FAM120C: variants seen among roughly 807,000 people sequenced by gnomAD.
The protein encoded by FAM120C is constitutive coactivator of PPAR-gamma-like protein 2.
Under a neutral mutation model 71.2 loss-of-function variants are expected in FAM120C, and 14 were observed. That is an observed-to-expected ratio of 0.20 (90% confidence interval 0.13 to 0.31). FAM120C has a LOEUF of 0.31. Among genes scored for constraint, FAM120C ranks in the 10% least tolerant of loss-of-function variants. FAM120C has a pLI of 1.00. For synonymous variants in FAM120C, 354 were observed against 353.2 expected, an observed-to-expected ratio of 1.00 and a Z score of -0.03; for missense variants, 500 against 879.0, an observed-to-expected ratio of 0.57 and a Z score of 5.45.
At chrX:54,129,663 G>A (rs1569532657) in intron 9 of FAM120C, among the ~76,000 whole-genome samples, 1 of 112,268 alleles carries the variant, frequency 8.9e-6, no homozygotes, top group Non-Finnish European at 1.9e-5. Flanking sequence ...GGAGGCCAAG[G>A]CAGGCGGCTG....
intron 4 of FAM120C, among the ~76,000 whole-genome samples, chrX:54,146,723 C>T: frequency 9.0e-6 from 1 of 111,455 alleles, no homozygotes; most frequent in East Asian, 2.8e-4. Context: ...AATCACTAAC[C>T]AATTTTAAGA....
chrX:54,125,902 T>C (rs781794797), intron 9 of FAM120C, among the ~76,000 whole-genome samples: 1 of 112,701 alleles, frequency 8.9e-6, no homozygotes, highest in Admixed American at 9.4e-5. Flanking sequence ...TTCATCAGCA[T>C]TTTGTGACTT....
chrX:54,117,945 T>C lies in FAM120C; in HGVS notation c.2063-1151A>G, dbSNP rs782686644. Among the ~76,000 whole-genome samples, 8 of 111,261 alleles carry C rather than the reference T, an allele frequency of 7.2e-5. No homozygotes were observed. The South Asian group carries it at 3.0e-3, about 42-fold the overall frequency. ...ATCTTTTAGATTCACAAAGGCAGGC[T>C]GGGCGTGGTGGTTCACGCCTGTAAT... On this transcript the variant is annotated intron_variant, in intron 9 of 15. Transcript: ENST00000375180.
At chrX:54,083,442 C>CACACAA (rs2066777766) in intron 13 of FAM120C, among the ~76,000 whole-genome samples, 1 of 100,595 alleles carries the variant, frequency 9.9e-6, no homozygotes, top group African/African-American at 3.8e-5. Flanking sequence ...TCCACACACA[C>CACACAA]ACACACACAC....
chrX:54,090,860 G>A (rs1185312482), intron 11 of FAM120C, among the ~76,000 whole-genome samples: 1 of 111,388 alleles, frequency 9.0e-6, no homozygotes, highest in Non-Finnish European at 1.9e-5. Context: ...AGGCAGCCCG[G>A]CTTCAGAGCC....
chrX:54,091,209 T>A, intron 11 of FAM120C, 103 bp downstream of exon 11: 3 of 509,086 alleles, frequency 5.9e-6, no homozygotes, highest in Non-Finnish European at 9.8e-6. Context: ...AACAGTTACC[T>A]GCAGAACTTA....
At chrX:54,113,588 C>T (rs2146589681) in intron 10 of FAM120C, among the ~76,000 whole-genome samples, 1 of 110,411 alleles carries the variant, frequency 9.1e-6, no homozygotes, top group East Asian at 2.9e-4. Context: ...AAAATATTTG[C>T]AAAATATGTA....
intron 13 of FAM120C, among the ~76,000 whole-genome samples, chrX:54,083,641 T>TAC (rs199821024): frequency 1.9e-5 from 2 of 107,828 alleles, no homozygotes; most frequent in Admixed American, 1.0e-4. Flanking sequence ...TATCCACACA[T>TAC]ACACACACAC....
intron 7 of FAM120C, among the ~76,000 whole-genome samples, chrX:54,134,381 G>C (rs1186659116): frequency 1.8e-5 from 2 of 112,465 alleles, no homozygotes; most frequent in Non-Finnish European, 3.8e-5. Flanking sequence ...AATCTGCTTA[G>C]AGGAATAATC....
At chrX:54,099,929 G>A (rs781816379) in intron 10 of FAM120C, among the ~76,000 whole-genome samples, 1 of 111,763 alleles carries the variant, frequency 8.9e-6, no homozygotes, top group Non-Finnish European at 1.9e-5. Context: ...TGGCTATTCT[G>A]AGTTTGTATT....
Position 54,068,833 on chromosome X carries a change from ATAGAAT to A in FAM120C, c.*4194_*4199del, listed in dbSNP as rs782676921. ...ATAGAATAGAATAGAATAGAATAGA[ATAGAAT>A]AGAATAGAAGGTAGGAGGGGAAGTG... On this transcript the variant is annotated 3_prime_UTR_variant, in exon 16 of 16. Coordinates refer to ENST00000375180, the MANE Select transcript of FAM120C (RefSeq NM_017848.6). The A allele has an allele frequency of 4.6e-5, 5 of 109,845 alleles. No individual in the cohort carries two copies. In the South Asian group the frequency reaches 1.9e-3, roughly 42 times the overall value. The allele number at this position is 109,845 out of a possible 1,213,427, so 9.1% of individuals were successfully genotyped here. A position where few individuals can be genotyped will look rare whatever the true frequency, so the allele number is the denominator to read the frequency against.
intron 1 of FAM120C, among the ~76,000 whole-genome samples, chrX:54,179,693 C>CTTT (rs1386493134): frequency 9.0e-6 from 1 of 111,589 alleles, no homozygotes; most frequent in Non-Finnish European, 1.9e-5. Context: ...CCACACTACA[C>CTTT]TCTTAAAAAG....
chrX:54,157,580 G>T (rs2067216545), intron 3 of FAM120C, 109 bp downstream of exon 3: 5 of 575,794 alleles, frequency 8.7e-6, no homozygotes, highest in Admixed American at 3.5e-5. Context: ...TTTTTCTTTT[G>T]TATGTATGTG....
chrX:54,182,879 G>GGCGGCGGCGGCA lies in FAM120C; in HGVS notation c.319_320insTGCCGCCGCCGC (p.Pro106_Pro107insLeuProProPro), dbSNP rs1414736965. ...CCCGGGCAGCTGAGGGGGCGGCGGCGGCGGCAGCGGAGGGTGCAGCCCGGG... is the reference window on the plus strand; with the variant it reads ...CCCGGGCAGCTGAGGGGGCGGCGGCGGCGGCGGCGGCAGCGGCAGCGGAGGGTGCAGCCCGGG... On this transcript the variant is annotated inframe_insertion, in exon 1 of 16. Transcript: ENST00000375180. 2.6e-6 allele frequency: 3 copies of GGCGGCGGCGGCA among 1,136,588 alleles called. No individual in the cohort carries two copies. The highest frequency in any genetic ancestry group is 2.6e-4 in the Middle Eastern group (1 of 3,842). 93.7% of individuals were successfully genotyped at this position (1,136,588 alleles called of 1,213,427 possible).
chrX:54,154,443 C>G (rs1722040801), intron 3 of FAM120C, among the ~76,000 whole-genome samples: 1 of 109,177 alleles, frequency 9.2e-6, no homozygotes, highest in Non-Finnish European at 1.9e-5. Flanking sequence ...CCTGTCTATA[C>G]TAAAAATACA....
chrX:54,162,616 C>G (rs1241955411), intron 1 of FAM120C, among the ~76,000 whole-genome samples: 1 of 112,035 alleles, frequency 8.9e-6, no homozygotes, highest in African/African-American at 3.2e-5. Flanking sequence ...AAAACAAAAA[C>G]AGCTCTGGCA....
intron 1 of FAM120C, among the ~76,000 whole-genome samples, chrX:54,168,035 C>T (rs887241344): frequency 9.9e-5 from 11 of 111,015 alleles, no homozygotes; most frequent in Non-Finnish European, 1.3e-4. Flanking sequence ...CATTTCCAAC[C>T]ATAGGTAGTC....
chrX:54,105,983 C>A (rs1295861805), intron 10 of FAM120C, among the ~76,000 whole-genome samples: 1 of 111,734 alleles, frequency 8.9e-6, no homozygotes, highest in Non-Finnish European at 1.9e-5. Flanking sequence ...GCCATACTGC[C>A]CAAAGTAATT....
intron 1 of FAM120C, among the ~76,000 whole-genome samples, chrX:54,177,030 G>A (rs1557136766): frequency 1.8e-5 from 2 of 111,434 alleles, no homozygotes; most frequent in African/African-American, 6.5e-5. Flanking sequence ...CTATGCAAAG[G>A]TCAAGATAAA....
Sources: allele counts gnomAD v4.1 joint callset (sites outside exome capture counted in the v4.1 genomes callset), GRCh38; gene constraint gnomAD v4.1.1; transcripts MANE v1.5; gene names NCBI Gene and HGNC (gene_info 2026-07-23, HGNC 2026-07-21).